The following MOCOS variants were observed in gnomAD, a reference collection of about 807,000 sequenced individuals.
MOCOS encodes the protein human molybdenum cofactor sulfurase.
Under a neutral mutation model 83.6 loss-of-function variants are expected in MOCOS, and 86 were observed. The observed-to-expected ratio is 1.03, with a 90% CI of 0.86 to 1.23. The LOEUF (loss-of-function observed/expected upper bound fraction) is 1.23. Among genes scored for constraint, MOCOS ranks in the 50% most tolerant of loss-of-function variants. The pLI is 0.00. For synonymous variants in MOCOS, 445 were observed against 434.7 expected (o/e 1.02, Z -0.29); for missense variants, 1,120 against 1,126.9 (o/e 0.99, Z 0.09).
At chr18:36,261,569 A>AATT (rs1176230764) in intron 13 of MOCOS, among the ~76,000 whole-genome samples, 1 of 152,184 alleles carries the variant, frequency 6.6e-6, no homozygotes, top group Non-Finnish European at 1.5e-5. Context: ...TTTATTAAAG[A>AATT]ATTTTAGAGA....
intron 9 of MOCOS, among the ~76,000 whole-genome samples, chr18:36,221,260 G>A (rs750824474): frequency 2.0e-5 from 3 of 152,158 alleles, no homozygotes; most frequent in Admixed American, 1.3e-4. Context: ...AAATAGCTAC[G>A]TGTAGCTATG....
At chr18:36,260,419 C>T (rs1320766849) in intron 13 of MOCOS, among the ~76,000 whole-genome samples, 2 of 152,172 alleles carry the variant, frequency 1.3e-5, no homozygotes, top group Admixed American at 6.5e-5. Flanking sequence ...TGCGAGGGCT[C>T]GACACTGCCT....
At chr18:36,226,807 A>T (rs1172964217) in intron 9 of MOCOS, among the ~76,000 whole-genome samples, 1 of 151,094 alleles carries the variant, frequency 6.6e-6, no homozygotes, top group African/African-American at 2.4e-5. Context: ...GTTTAATCAC[A>T]TACATAACTC....
chr18:36,203,178 A>G lies in MOCOS; in HGVS notation c.1007A>G (p.Glu336Gly). The change falls in exon 5 of 15, where the codon GAG becomes GGG. Residue 336 changes from glutamate (E) to glycine (G), a missense_variant. Glu to Gly is a moderately conservative substitution (Grantham distance 98, BLOSUM62 -2). Coordinates refer to ENST00000261326, the MANE Select transcript of MOCOS (RefSeq NM_017947.4). Reference protein sequence around the residue: ...IALKHGFDTLERLTGGMENIK... With the variant: ...IALKHGFDTLGRLTGGMENIK... ...CTAAAACATGGATTTGACACCCTAG[A>G]GCGCCTCACAGGTCAGTGGACATTT... is the stretch of plus-strand genomic sequence containing the variant. The G allele has an allele frequency of 6.2e-7, 1 of 1,613,958 alleles. No individual in the cohort carries two copies. Among genetic ancestry groups the G allele is most frequent in the Non-Finnish European group, 8.5e-7 (1 of 1,179,904 alleles).
rs753385624 is a variant in MOCOS at position 36,195,364 on chromosome 18, A to G, written c.232+18A>G. ...CACTTATGGTAAAGAAAAACACCTG[A>G]AACAGGTTTTAGTCAACTACATGCA... On this transcript the variant is annotated intron_variant, in intron 2 of 14. Transcript: ENST00000261326. The G allele has an allele frequency of 6.2e-7, 1 of 1,602,098 alleles. No individual in the cohort carries two copies. Among genetic ancestry groups the G allele is most frequent in the Admixed American group, 1.7e-5 (1 of 60,032 alleles).
chr18:36,209,937 CAATT>C (rs1295566059), intron 6 of MOCOS, among the ~76,000 whole-genome samples: 1 of 152,104 alleles, frequency 6.6e-6, no homozygotes, highest in African/African-American at 2.4e-5. Context: ...CACCTGAGCT[CAATT>C]AATCTGCCCA....
intron 9 of MOCOS, among the ~76,000 whole-genome samples, chr18:36,241,698 G>A (rs2091583631): frequency 6.6e-6 from 1 of 152,212 alleles, no homozygotes; most frequent in Non-Finnish European, 1.5e-5. Flanking sequence ...CTGCATGAGG[G>A]ATCCACCCCT....
intron 6 of MOCOS, among the ~76,000 whole-genome samples, chr18:36,206,244 C>CTTT (rs71166102): frequency 0.011 from 1,108 of 103,626 alleles, 67 homozygotes; most frequent in African/African-American, 0.013. Context: ...TTTCTTCCAA[C>CTTT]TTTTTTTTTT....
At chr18:36,262,250 T>TACACACACACACACACACACACACACAC (rs71168212) in intron 13 of MOCOS, among the ~76,000 whole-genome samples, 10,231 of 127,740 alleles carry the variant, frequency 0.08, 815 homozygotes, top group Middle Eastern at 0.18. Context: ...CGTCTCTCTC[T>TACACACACACACACACACACACACACAC]ACACACACAC....
intron 8 of MOCOS, among the ~76,000 whole-genome samples, chr18:36,218,557 C>T (rs1263902915): frequency 3.3e-5 from 5 of 152,102 alleles, no homozygotes; most frequent in Admixed American, 3.3e-4. Context: ...CTCTGTCTCC[C>T]AGGCTGGAAT....
At position 36,270,806 on chromosome 18, in the gene MOCOS, G is replaced by A. The variant is rs1800641515; in HGVS notation, c.*2121G>A. The A allele has an allele frequency of 6.6e-6, 1 of 151,174 alleles. No individual in the cohort carries two copies. The highest frequency in any genetic ancestry group is 1.5e-5 in the Non-Finnish European group (1 of 67,964). The allele number at this position is 151,174 out of a possible 1,614,324, so 9.4% of individuals were successfully genotyped here. A position where few individuals can be genotyped will look rare whatever the true frequency, so the allele number is the denominator to read the frequency against. ...CACCTTTTGCAGTAGATACTTTCATGACTGATTTCAGGCTTTTTGTTTTTT... is the reference window on the plus strand; with the variant it reads ...CACCTTTTGCAGTAGATACTTTCATAACTGATTTCAGGCTTTTTGTTTTTT... On this transcript the variant is annotated 3_prime_UTR_variant, in exon 15 of 15. Coordinates refer to ENST00000261326, the MANE Select transcript of MOCOS (RefSeq NM_017947.4).
At chr18:36,254,399 A>G (rs755615045) in intron 11 of MOCOS, among the ~76,000 whole-genome samples, 5 of 151,220 alleles carry the variant, frequency 3.3e-5, no homozygotes, top group African/African-American at 1.2e-4. Flanking sequence ...ATACTGCAGC[A>G]TTTTTTTAAA....
intron 13 of MOCOS, among the ~76,000 whole-genome samples, chr18:36,260,855 C>G (rs1236687442): frequency 2.0e-5 from 3 of 151,860 alleles, no homozygotes; most frequent in Non-Finnish European, 4.4e-5. Flanking sequence ...GTGACCTTCT[C>G]TCTGTTCCCT....
rs2091690347 is a variant in MOCOS at position 36,268,853 on chromosome 18, A to C, written c.*168A>C. 1.5e-6 allele frequency: 1 copy of C among 655,220 alleles called. No homozygotes were observed. Among genetic ancestry groups the C allele is most frequent in the African/African-American group, 1.8e-5 (1 of 54,992 alleles). 40.6% of individuals were successfully genotyped at this position (655,220 alleles called of 1,614,324 possible). On this transcript the variant is annotated 3_prime_UTR_variant, in exon 15 of 15. Transcript: ENST00000261326. ...TCTGCCTTTGACTTCTCACCCTGCA[A>C]ATTTGCACTGGCTGTGCTCAGGAGA... is the stretch of plus-strand genomic sequence containing the variant.
chr18:36,242,547 C>A (rs764013784), intron 9 of MOCOS, among the ~76,000 whole-genome samples: 6 of 152,190 alleles, frequency 3.9e-5, no homozygotes, highest in Non-Finnish European at 7.3e-5. Flanking sequence ...ACTCCTGGTA[C>A]CAATTTACTG....
intron 2 of MOCOS, among the ~76,000 whole-genome samples, chr18:36,196,330 A>G (rs2144897176): frequency 6.6e-6 from 1 of 151,724 alleles, no homozygotes; most frequent in Middle Eastern, 3.4e-3. Context: ...CAGCCTCACA[A>G]CAACCCAAGA....
chr18:36,190,554 G>T (rs1232024350), intron 1 of MOCOS, among the ~76,000 whole-genome samples: 1 of 151,972 alleles, frequency 6.6e-6, no homozygotes, highest in Admixed American at 6.6e-5. Flanking sequence ...TTCAAGACCA[G>T]CCTGGGCAAC....
intron 7 of MOCOS, 62 bp downstream of exon 7, chr18:36,213,544 C>A: frequency 7.3e-7 from 1 of 1,372,620 alleles, no homozygotes; most frequent in Non-Finnish European, 1.0e-6. Flanking sequence ...CCTGTTGCTG[C>A]CTGTGTGTCT....
At chr18:36,252,818 T>C (rs2091627015) in intron 11 of MOCOS, among the ~76,000 whole-genome samples, 2 of 152,216 alleles carry the variant, frequency 1.3e-5, no homozygotes, top group South Asian at 4.1e-4. Context: ...TACAAATCCC[T>C]GAAAGTGTAT....
Sources: allele counts gnomAD v4.1 joint callset (sites outside exome capture counted in the v4.1 genomes callset), GRCh38; gene constraint gnomAD v4.1.1; transcripts MANE v1.5; gene names NCBI Gene and HGNC (gene_info 2026-07-23, HGNC 2026-07-21).